Variants in ELMO1 observed in about 807,000 individuals in gnomAD.
ELMO1 encodes the protein engulfment and cell motility protein 1.
ELMO1 carries 26 observed loss-of-function variants against 98.9 expected under a neutral mutation model. That is an observed-to-expected ratio of 0.26 (90% CI 0.19 to 0.36). The LOEUF (loss-of-function observed/expected upper bound fraction) is 0.36. Ranked by LOEUF, ELMO1 falls within the 10% of genes least tolerant of loss-of-function variation. The pLI is 1.00. For missense variants in ELMO1, 627 were observed against 935.2 expected, an observed-to-expected ratio of 0.67 and a Z score of 4.30; for synonymous variants, 346 against 346.0, an observed-to-expected ratio of 1.00 and a Z score of 0.00.
chr7:37,037,766 C>T (rs1180248240), intron 15 of ELMO1, among the ~76,000 whole-genome samples: 1 of 152,198 alleles, frequency 6.6e-6, no homozygotes, highest in Non-Finnish European at 1.5e-5. Context: ...TGTTTCATGA[C>T]ATCACTTCAT....
At chr7:36,974,902 A>G (rs905339254) in intron 16 of ELMO1, among the ~76,000 whole-genome samples, 9 of 151,852 alleles carry the variant, frequency 5.9e-5, no homozygotes, top group African/African-American at 2.2e-4. Context: ...TAAGAGCTGT[A>G]ACACTCACTG....
At chr7:37,434,390 A>C (rs1478831025) in intron 1 of ELMO1, among the ~76,000 whole-genome samples, 1 of 152,196 alleles carries the variant, frequency 6.6e-6, no homozygotes, top group Non-Finnish European at 1.5e-5. Flanking sequence ...AGAACTAGGT[A>C]CTTCATCATT....
intron 5 of ELMO1, among the ~76,000 whole-genome samples, chr7:37,260,598 C>T (rs1453467138): frequency 1.3e-5 from 2 of 152,084 alleles, no homozygotes; most frequent in East Asian, 1.9e-4. Context: ...CACCTGGAAG[C>T]AGCCCTCAAG....
At chr7:37,150,092 T>G (rs6949466) in intron 13 of ELMO1, among the ~76,000 whole-genome samples, 133,705 of 152,030 alleles carry the variant, frequency 0.88, 60,067 homozygotes, top group Non-Finnish European at 0.97. Context: ...CTCCTCTTTT[T>G]TTTAAAGGCA....
At chr7:37,082,093 C>T (rs1797893542) in intron 15 of ELMO1, among the ~76,000 whole-genome samples, 1 of 152,168 alleles carries the variant, frequency 6.6e-6, no homozygotes, top group Non-Finnish European at 1.5e-5. Context: ...ATAGCATTTG[C>T]ATTTAGGTTC....
chr7:37,102,187 T>C (rs1784682029), intron 14 of ELMO1, among the ~76,000 whole-genome samples: 1 of 152,120 alleles, frequency 6.6e-6, no homozygotes, highest in South Asian at 2.1e-4. Context: ...TTTTGATTCC[T>C]CTTATGGAGA....
At chr7:37,194,794 C>A (rs1791862015) in intron 13 of ELMO1, among the ~76,000 whole-genome samples, 1 of 152,208 alleles carries the variant, frequency 6.6e-6, no homozygotes, top group African/African-American at 2.4e-5. Flanking sequence ...CAAATAAATT[C>A]TCCTTATCCA....
At chr7:37,165,057 T>C (rs1163252101) in intron 13 of ELMO1, among the ~76,000 whole-genome samples, 2 of 152,184 alleles carry the variant, frequency 1.3e-5, no homozygotes, top group Non-Finnish European at 2.9e-5. Flanking sequence ...TTCACATCCC[T>C]TGTAAGGTGG....
chr7:37,215,315 T>C (rs1428177393), intron 11 of ELMO1, among the ~76,000 whole-genome samples: 2 of 152,342 alleles, frequency 1.3e-5, no homozygotes, highest in South Asian at 2.1e-4. Flanking sequence ...ACATTAATTT[T>C]TGATGGCTTA....
intron 16 of ELMO1, chr7:36,985,812 CTCCATGTGCTTGT>C: frequency 1.4e-6 from 1 of 711,574 alleles, no homozygotes; most frequent in Non-Finnish European, 1.8e-6. Flanking sequence ...ATGCCCGCTC[CTCCATGTGCTTGT>C]TCCAATTCAG....
intron 6 of ELMO1, among the ~76,000 whole-genome samples, chr7:37,253,333 T>C (rs1484494108): frequency 2.0e-5 from 3 of 152,102 alleles, no homozygotes; most frequent in Admixed American, 6.5e-5. Context: ...AACCCAAATG[T>C]CCATCAATGA....
At chr7:36,925,112 A>C (rs983675496) in intron 16 of ELMO1, among the ~76,000 whole-genome samples, 1 of 152,154 alleles carries the variant, frequency 6.6e-6, no homozygotes, top group Admixed American at 6.5e-5. Flanking sequence ...CAGAATGCCC[A>C]CAGTGCTGTG....
At chr7:37,283,219 A>T (rs924547779) in intron 4 of ELMO1, among the ~76,000 whole-genome samples, 2 of 152,198 alleles carry the variant, frequency 1.3e-5, no homozygotes, top group African/African-American at 2.4e-5. Flanking sequence ...TGTGGAAGAT[A>T]GAGAGAAAGA....
chr7:37,122,649 A>AC (rs1460438911), intron 14 of ELMO1, among the ~76,000 whole-genome samples: 2 of 152,108 alleles, frequency 1.3e-5, no homozygotes, highest in African/African-American at 2.4e-5. Flanking sequence ...GTCCTTAGAG[A>AC]CTACAAAGAG....
chr7:37,117,411 A>C (rs1230243748), intron 14 of ELMO1, among the ~76,000 whole-genome samples: 1 of 152,196 alleles, frequency 6.6e-6, no homozygotes, highest in Non-Finnish European at 1.5e-5. Flanking sequence ...GCACTGCTAC[A>C]GTCAGCTAAT....
At chr7:37,172,866 T>C (rs2129846570) in intron 13 of ELMO1, among the ~76,000 whole-genome samples, 1 of 152,346 alleles carries the variant, frequency 6.6e-6, no homozygotes, top group Admixed American at 6.5e-5. Flanking sequence ...CCATTGACTA[T>C]TTTCATTGAG....
intron 13 of ELMO1, among the ~76,000 whole-genome samples, chr7:37,185,948 G>A (rs374399059): frequency 2.6e-5 from 4 of 152,236 alleles, no homozygotes; most frequent in South Asian, 2.1e-4. Flanking sequence ...TGACTTCTGC[G>A]TAGAAATCAA....
chr7:37,014,175 C>T (rs1453405534), intron 15 of ELMO1, among the ~76,000 whole-genome samples: 21 of 152,086 alleles, frequency 1.4e-4, no homozygotes, highest in Admixed American at 1.3e-3. Context: ...TCTCCTCCTC[C>T]TCCTCCTCCT....
intron 20 of ELMO1, among the ~76,000 whole-genome samples, chr7:36,868,304 T>C (rs1803194100): frequency 6.6e-6 from 1 of 151,868 alleles, no homozygotes; most frequent in African/African-American, 2.4e-5. Flanking sequence ...CCAAGAAAAC[T>C]TGTTGATTTC....
Sources: gnomAD v4.1 joint callset for allele counts (sites outside exome capture counted in the v4.1 genomes callset) on GRCh38, gnomAD v4.1.1 for gene constraint, MANE v1.5 for transcripts, NCBI Gene and HGNC (gene_info 2026-07-23, HGNC 2026-07-21) for gene names.